The following DNAH5 variants were observed in gnomAD, a reference collection of about 807,000 sequenced individuals.
DNAH5 encodes dynein axonemal heavy chain 5.
Under a neutral mutation model 518.2 loss-of-function variants are expected in DNAH5, and 372 were observed. The ratio of observed to expected loss-of-function variants is 0.72; its 90% CI spans 0.66 to 0.78. The LOEUF is 0.78. Ranked by LOEUF, DNAH5 falls within the 30% of genes least tolerant of loss-of-function variation. DNAH5 has a pLI of 0.00. For synonymous variants in DNAH5, 2,039 were observed against 2,025.9 expected, an observed-to-expected ratio of 1.01 and a Z score of -0.17; for missense variants, 5,523 against 5,687.0, an observed-to-expected ratio of 0.97 and a Z score of 0.93.
At chr5:13,936,405 T>G (rs2152017529) in intron 1 of DNAH5, among the ~76,000 whole-genome samples, 1 of 152,342 alleles carries the variant, frequency 6.6e-6, no homozygotes, top group Non-Finnish European at 1.5e-5. Flanking sequence ...TCTATCCATC[T>G]GATGTTTAAA....
At chr5:13,820,214 T>A in intron 41 of DNAH5, 132 bp downstream of exon 41, 1 of 994,192 alleles carries the variant, frequency 1.0e-6, no homozygotes, top group Non-Finnish European at 1.5e-6. Context: ...ATGTTCCCAA[T>A]AATTAATAAA....
intron 68 of DNAH5, among the ~76,000 whole-genome samples, chr5:13,730,962 C>T (rs573529511): frequency 6.6e-6 from 1 of 152,244 alleles, no homozygotes; most frequent in South Asian, 2.1e-4. Context: ...AGCCTCCCTC[C>T]CAAAGCACTG....
In DNAH5 at chr5:13,721,045, G is replaced by A. The variant is rs886059967; in HGVS notation, c.12234C>T (p.Gly4078=). 1.2e-6 allele frequency: 2 copies of A among 1,614,076 alleles called. No individual in the cohort carries two copies. The highest frequency in any genetic ancestry group is 8.5e-7 in the Non-Finnish European group (1 of 1,179,994). Residue 4078 remains glycine, a synonymous_variant, in exon 71 of 79, where the codon GGC becomes GGT. Coordinates refer to ENST00000265104, the MANE Select transcript of DNAH5 (RefSeq NM_001369.3). ...AGAGCTTCCGAGCATGGACTTCCTGGCCCTGGCCCATGGACACATAACGGG... is the reference window on the plus strand; with the variant it reads ...AGAGCTTCCGAGCATGGACTTCCTGACCCTGGCCCATGGACACATAACGGG... The part of the protein sequence containing the change: ...IETRYVSMGQ[G]QEVHARKLLQ...
At chr5:13,979,375 T>C (rs1028480992) in intron 1 of DNAH5, among the ~76,000 whole-genome samples, 1 of 152,116 alleles carries the variant, frequency 6.6e-6, no homozygotes, top group South Asian at 2.1e-4. Flanking sequence ...AATGTGTTGG[T>C]TTAATGTTAT....
In DNAH5 at chr5:13,973,793, C is replaced by T. The variant is rs80314039; in HGVS notation, c.12+37855G>A. Among the ~76,000 whole-genome samples the T allele has an allele frequency of 6.5e-3, 981 of 151,590 alleles. 12 individuals are homozygous for T. Among genetic ancestry groups the T allele is most frequent in the African/African-American group, 0.023 (932 of 41,320 alleles). On this transcript the variant is annotated intron_variant, in intron 1 of 78. Transcript: ENST00000681290. ...GTCATAAACAGAAGGCTCTCGTGTG[C>T]GAATGCCCGATGGCAAGAACAACCA... is the stretch of plus-strand genomic sequence containing the variant.
chr5:13,901,990 T>A (rs1020910640), intron 13 of DNAH5, 63 bp downstream of exon 13: 20 of 1,153,160 alleles, frequency 1.7e-5, no homozygotes, highest in Non-Finnish European at 1.9e-5. Context: ...ATAATAGGAA[T>A]AACAACAATA....
intron 1 of DNAH5, among the ~76,000 whole-genome samples, chr5:13,957,960 A>G (rs1193015607): frequency 1.3e-5 from 2 of 151,832 alleles, no homozygotes; most frequent in African/African-American, 4.8e-5. Context: ...TAAAATACAC[A>G]CATGTATATG....
chr5:13,983,587 T>C (rs59854088), intron 1 of DNAH5, among the ~76,000 whole-genome samples: 6,759 of 152,184 alleles, frequency 0.044, 292 homozygotes, highest in East Asian at 0.12. Context: ...AGCACGTGCA[T>C]AGTTTTGACC....
At chr5:13,918,558 C>T (rs1561570561) in intron 7 of DNAH5, among the ~76,000 whole-genome samples, 1 of 152,306 alleles carries the variant, frequency 6.6e-6, no homozygotes, top group Non-Finnish European at 1.5e-5. Context: ...CAAACCTCCA[C>T]CTCCCGGGTT....
chr5:13,903,235 TGAAAA>T (rs1177195952), intron 12 of DNAH5, among the ~76,000 whole-genome samples: 11 of 151,882 alleles, frequency 7.2e-5, no homozygotes, highest in African/African-American at 2.2e-4. Flanking sequence ...TATAAACACC[TGAAAA>T]GAAAACTGAT....
intron 78 of DNAH5, among the ~76,000 whole-genome samples, chr5:13,696,996 A>G (rs950857321): frequency 6.6e-6 from 1 of 152,220 alleles, no homozygotes; most frequent in Non-Finnish European, 1.5e-5. Flanking sequence ...CCAGTATTAT[A>G]AAATTATTAC....
In DNAH5 at chr5:13,885,310, T is replaced by C. The variant is rs1287306163; in HGVS notation, c.2744-82A>G. ...ATAGACAGATAGATAGACAGATAGA[T>C]AGAATCATCTGTTGCAATTAAAGGA... On this transcript the variant is annotated intron_variant, in intron 18 of 78. Transcript: ENST00000265104. 8 of 1,511,536 alleles carry C rather than the reference T, an allele frequency of 5.3e-6. No individual in the cohort carries two copies. In the East Asian group the frequency reaches 1.4e-4, roughly 26 times the overall value. 93.6% of individuals were successfully genotyped at this position (1,511,536 alleles called of 1,614,324 possible).
intron 50 of DNAH5, among the ~76,000 whole-genome samples, chr5:13,791,112 A>C (rs1445567903): frequency 6.6e-6 from 1 of 152,196 alleles, no homozygotes; most frequent in African/African-American, 2.4e-5. Flanking sequence ...TTTAAAAAAA[A>C]AAGAATCGGC....
In DNAH5 at chr5:13,998,910, T is replaced by C. The variant is rs182120078; in HGVS notation, c.12+12738A>G. Among the ~76,000 whole-genome samples the C allele has an allele frequency of 1.1e-4, 16 of 152,330 alleles. No homozygotes were observed. In the East Asian group the frequency reaches 2.5e-3, roughly 24 times the overall value. The stretch of plus-strand genomic sequence containing the variant: ...TTCTTGAAACGGGGTCTCACTCTGT[T>C]ACCCAGGCTGGAGTGCAGTGGCTCA... On this transcript the variant is annotated intron_variant, in intron 1 of 78. Coordinates refer to the DNAH5 transcript ENST00000681290.
At chr5:13,727,773 T>G in intron 69 of DNAH5, 117 bp from the exon 70 acceptor site, 3 of 1,114,442 alleles carry the variant, frequency 2.7e-6, no homozygotes, top group Non-Finnish European at 3.9e-6. Flanking sequence ...ATTATATTCC[T>G]TGGCTATTTT....
At chr5:13,713,041 C>A (rs1200463527) in intron 75 of DNAH5, among the ~76,000 whole-genome samples, 1 of 151,462 alleles carries the variant, frequency 6.6e-6, no homozygotes, top group East Asian at 1.9e-4. Context: ...GCACAATTCA[C>A]AACTGCAAAA....
chr5:13,940,599 C>T (rs770724118), intron 1 of DNAH5, among the ~76,000 whole-genome samples: 7 of 152,058 alleles, frequency 4.6e-5, no homozygotes, highest in Non-Finnish European at 7.4e-5. Flanking sequence ...TGGTCAGGTG[C>T]GGGGCCCAGG....
chr5:13,845,951 C>T (rs72732650), intron 31 of DNAH5, among the ~76,000 whole-genome samples: 54,235 of 149,222 alleles, frequency 0.36, 10,008 homozygotes, highest in East Asian at 0.61. Flanking sequence ...CTGCTTCAGC[C>T]TCCGAAGTGG....
intron 22 of DNAH5, among the ~76,000 whole-genome samples, chr5:13,873,741 T>A (rs776472403): frequency 3.3e-5 from 5 of 152,170 alleles, no homozygotes; most frequent in South Asian, 2.1e-4. Flanking sequence ...CTTCAAGTGA[T>A]CCTCTCATCT....
Sources: allele counts gnomAD v4.1 joint callset (sites outside exome capture counted in the v4.1 genomes callset), GRCh38; gene constraint gnomAD v4.1.1; transcripts MANE v1.5; gene names NCBI Gene and HGNC (gene_info 2026-07-23, HGNC 2026-07-21).